The following COL14A1 variants were observed in gnomAD, a reference collection of about 807,000 sequenced individuals.
COL14A1 encodes the protein collagen alpha-1(XIV) chain.
Under a neutral mutation model 230.3 loss-of-function variants are expected in COL14A1, and 136 were observed. That is an observed-to-expected ratio of 0.59 (90% CI 0.51 to 0.68). COL14A1 has a LOEUF of 0.68. COL14A1 is among the 30% of genes least tolerant of loss of function. COL14A1 has a pLI of 0.00. For missense variants in COL14A1, 1,976 were observed against 2,215.8 expected, an observed-to-expected ratio of 0.89 and a Z score of 2.17; for synonymous variants, 792 against 784.1, an observed-to-expected ratio of 1.01 and a Z score of -0.17.
intron 23 of COL14A1, among the ~76,000 whole-genome samples, chr8:120,260,400 A>G (rs1819285942): frequency 6.6e-6 from 1 of 152,132 alleles, no homozygotes; most frequent in South Asian, 2.1e-4. Context: ...TGCATTTTAC[A>G]GTTGAAAAAG....
At chr8:120,367,275 T>A (rs758350439) in intron 46 of COL14A1, 27 bp downstream of exon 46, 2 of 1,551,258 alleles carry the variant, frequency 1.3e-6, no homozygotes, top group East Asian at 4.5e-5. Context: ...AACAAGAGAC[T>A]GCAAATGTAT....
chr8:120,280,184 T>C, intron 29 of COL14A1, 85 bp downstream of exon 29: 1 of 1,467,998 alleles, frequency 6.8e-7, no homozygotes, highest in Non-Finnish European at 9.4e-7. Context: ...CCGATCTAGA[T>C]CTGAGAAAAG....
intron 32 of COL14A1, 112 bp downstream of exon 32, chr8:120,283,890 T>C (rs1450287733): frequency 6.5e-6 from 5 of 766,212 alleles, no homozygotes; most frequent in Admixed American, 3.1e-5. Flanking sequence ...TCTTATGTGA[T>C]GTGTAAATAC....
chr8:120,181,339 A>G (rs1032187050), intron 5 of COL14A1, among the ~76,000 whole-genome samples: 1 of 152,216 alleles, frequency 6.6e-6, no homozygotes, highest in African/African-American at 2.4e-5. Flanking sequence ...TAAAGTTTCA[A>G]TCATATGGAG....
intron 45 of COL14A1, among the ~76,000 whole-genome samples, chr8:120,349,486 GA>G (rs1444559275): frequency 8.4e-6 from 1 of 119,684 alleles, no homozygotes. Context: ...TGAAAACTTT[GA>G]AAAAAATTTA....
chr8:120,221,617 T>G (rs1465346459), intron 14 of COL14A1, among the ~76,000 whole-genome samples: 1 of 152,020 alleles, frequency 6.6e-6, no homozygotes, highest in African/African-American at 2.4e-5. Flanking sequence ...CTCTTTGGTG[T>G]ACCTAAGGAT....
intron 14 of COL14A1, among the ~76,000 whole-genome samples, chr8:120,218,274 T>C (rs1261667712): frequency 7.0e-6 from 1 of 143,744 alleles, no homozygotes; most frequent in Non-Finnish European, 1.5e-5. Flanking sequence ...ATATATATAA[T>C]ATATAAATAG....
At chr8:120,188,038 G>C (rs1238752315) in intron 5 of COL14A1, among the ~76,000 whole-genome samples, 1 of 151,884 alleles carries the variant, frequency 6.6e-6, no homozygotes, top group African/African-American at 2.4e-5. Context: ...CTGTTCCATA[G>C]AGTTGTTGCG....
intron 1 of COL14A1, among the ~76,000 whole-genome samples, chr8:120,126,437 C>T (rs1205736938): frequency 6.6e-6 from 1 of 152,190 alleles, no homozygotes; most frequent in African/African-American, 2.4e-5. Flanking sequence ...CCAAACATTG[C>T]TTCTCAGAGT....
At chr8:120,243,818 C>T in intron 19 of COL14A1, 61 bp from the exon 20 acceptor site, 1 of 1,571,446 alleles carries the variant, frequency 6.4e-7, no homozygotes, top group Non-Finnish European at 8.7e-7. Flanking sequence ...AGTTATGCTC[C>T]ATTACCAAAT....
At chr8:120,128,078 G>A (rs1814401793) in intron 1 of COL14A1, among the ~76,000 whole-genome samples, 1 of 152,184 alleles carries the variant, frequency 6.6e-6, no homozygotes, top group Admixed American at 6.5e-5. Context: ...GATAGTGCTG[G>A]ATGTTAGGAA....
intron 5 of COL14A1, among the ~76,000 whole-genome samples, chr8:120,175,909 T>A (rs1303162938): frequency 6.6e-6 from 1 of 152,196 alleles, no homozygotes; most frequent in Non-Finnish European, 1.5e-5. Flanking sequence ...AATACATATA[T>A]ACACATACCT....
chr8:120,337,350 C>G (rs1311405467), intron 42 of COL14A1, among the ~76,000 whole-genome samples: 2 of 142,392 alleles, frequency 1.4e-5, no homozygotes, highest in Non-Finnish European at 3.0e-5. Context: ...GAGCCGAGAT[C>G]ATACCACTGC....
chr8:120,325,782 T>C (rs1324936075), intron 40 of COL14A1, among the ~76,000 whole-genome samples: 1 of 152,160 alleles, frequency 6.6e-6, no homozygotes, highest in Non-Finnish European at 1.5e-5. Context: ...CATGAGCCAC[T>C]GCACCTGGCC....
intron 22 of COL14A1, among the ~76,000 whole-genome samples, chr8:120,251,947 C>T (rs1258162098): frequency 6.6e-6 from 1 of 151,118 alleles, no homozygotes; most frequent in African/African-American, 2.4e-5. Flanking sequence ...GCTATAAACC[C>T]CTTAAGATAT....
At chr8:120,127,764 C>A (rs1042670881) in intron 1 of COL14A1, among the ~76,000 whole-genome samples, 6 of 152,216 alleles carry the variant, frequency 3.9e-5, no homozygotes, top group Non-Finnish European at 8.8e-5. Context: ...CACTGTAAAG[C>A]CACATTCGCA....
chr8:120,187,797 C>G (rs1161844846), intron 5 of COL14A1, among the ~76,000 whole-genome samples: 2 of 152,212 alleles, frequency 1.3e-5, no homozygotes, highest in Non-Finnish European at 2.9e-5. Context: ...TGCAGAGACA[C>G]TGCTTTATGT....
intron 37 of COL14A1, among the ~76,000 whole-genome samples, chr8:120,310,755 A>G (rs1048125095): frequency 1.3e-5 from 2 of 152,234 alleles, no homozygotes; most frequent in African/African-American, 2.4e-5. Context: ...GATTCTTCAC[A>G]TCTGCCCCCA....
intron 38 of COL14A1, 22 bp downstream of exon 38, chr8:120,314,049 A>G: frequency 3.3e-6 from 5 of 1,526,880 alleles, no homozygotes; most frequent in Non-Finnish European, 4.5e-6. Context: ...TCAAACATTC[A>G]GACGGGTTTT....
Sources: allele counts gnomAD v4.1 joint callset (sites outside exome capture counted in the v4.1 genomes callset), GRCh38; gene constraint gnomAD v4.1.1; transcripts MANE v1.5; gene names NCBI Gene and HGNC (gene_info 2026-07-23, HGNC 2026-07-21).